Variants in XRCC5 observed in about 807,000 individuals in gnomAD.
The protein encoded by XRCC5 is DNA repair protein Ku80.
XRCC5 carries 12 observed loss-of-function variants against 95.7 expected under a neutral mutation model. The ratio of observed to expected loss-of-function variants is 0.13; its 90% confidence interval spans 0.08 to 0.20. XRCC5 has a LOEUF of 0.20. Ranked by LOEUF, XRCC5 falls within the 10% of genes least tolerant of loss-of-function variation. The probability of loss-of-function intolerance (pLI) is 1.00; values close to 1 mark genes in which losing one functional copy is unlikely to be tolerated. For synonymous variants in XRCC5, 281 were observed against 290.3 expected, an observed-to-expected ratio of 0.97 and a Z score of 0.33; for missense variants, 595 against 873.9, an observed-to-expected ratio of 0.68 and a Z score of 4.02.
chr2:216,134,691 C>T lies in XRCC5; in HGVS notation c.1113+2304C>T, dbSNP rs558659794. 2.6e-5 allele frequency among the ~76,000 whole-genome samples: 4 copies of T among 151,534 alleles called. No individual in the cohort carries two copies. The East Asian group carries it at 5.8e-4, about 22-fold the overall frequency. On this transcript the variant is annotated intron_variant, in intron 10 of 20. Coordinates refer to ENST00000392132, the MANE Select transcript of XRCC5 (RefSeq NM_021141.4). ...TGATCCACCCCCCCCCCTCCTCGGC[C>T]TCCCAAAGTGTTGGGATTACAGTTG...
chr2:216,150,909 A>G (rs1047043818), intron 14 of XRCC5, among the ~76,000 whole-genome samples: 1 of 152,122 alleles, frequency 6.6e-6, no homozygotes, highest in African/African-American at 2.4e-5. Context: ...GAAAAATAAA[A>G]GAAAACGTAA....
At chr2:216,132,504 G>A in intron 10 of XRCC5, 117 bp downstream of exon 10, 1 of 1,025,040 alleles carries the variant, frequency 9.8e-7, no homozygotes, top group Non-Finnish European at 1.5e-6. Context: ...AATAGGAGTG[G>A]GGAAATCCAC....
At chr2:216,144,862 AC>A (rs1217010089) in intron 13 of XRCC5, among the ~76,000 whole-genome samples, 4 of 152,206 alleles carry the variant, frequency 2.6e-5, no homozygotes, top group African/African-American at 9.6e-5. Context: ...GAGAACTGCA[AC>A]ACGTGAGTGA....
At chr2:216,118,846 C>T (rs150459519) in intron 4 of XRCC5, among the ~76,000 whole-genome samples, 197 bp from the exon 5 acceptor site, 1 of 152,214 alleles carries the variant, frequency 6.6e-6, no homozygotes, top group South Asian at 2.1e-4. Context: ...ACATTTTGGC[C>T]AAGATGTTCA....
chr2:216,195,241 C>T (rs4674066), intron 19 of XRCC5, among the ~76,000 whole-genome samples: 110,040 of 152,000 alleles, frequency 0.72, 41,356 homozygotes, highest in East Asian at 0.95. Flanking sequence ...GCTGTTGAAC[C>T]CCATAGTGCG....
chr2:216,157,657 G>T (rs568750302), intron 14 of XRCC5, among the ~76,000 whole-genome samples: 7 of 152,288 alleles, frequency 4.6e-5, no homozygotes, highest in African/African-American at 1.7e-4. Context: ...TTTGTATATT[G>T]AGAGTTTAGA....
In XRCC5 at chr2:216,117,800, T is replaced by G; in HGVS notation, c.368+6T>G. On this transcript the variant is annotated splice_donor_region_variant and intron_variant, in intron 4 of 20. Transcript: ENST00000392132. ...GTGATTCAACATGAAACAATGTAAGTGTTCCAAGGAAGAGAGCTGGAAGAG... is the reference window on the plus strand; with the variant it reads ...GTGATTCAACATGAAACAATGTAAGGGTTCCAAGGAAGAGAGCTGGAAGAG... 6.2e-7 allele frequency: 1 copy of G among 1,614,062 alleles called. No individual in the cohort carries two copies. The highest frequency in any genetic ancestry group is 8.5e-7 in the Non-Finnish European group (1 of 1,179,912).
At chr2:216,129,680 T>C (rs1301600740) in intron 8 of XRCC5, among the ~76,000 whole-genome samples, 1 of 152,186 alleles carries the variant, frequency 6.6e-6, no homozygotes, top group African/African-American at 2.4e-5. Flanking sequence ...AATAAAAATG[T>C]GTTTCTATTT....
Position 216,190,287 on chromosome 2 carries a change from A to T in XRCC5, c.1897A>T (p.Met633Leu), listed in dbSNP as rs372014947. Residue 633 changes from methionine (M) to leucine (L), a missense_variant, in exon 17 of 21, where the codon ATG (methionine) becomes TTG (leucine). Physicochemically the swap from Met to Leu is conservative, Grantham distance 15 (BLOSUM62 2). This residue lies in a region of XRCC5 where 309 missense variants were observed against 382.9 expected (regional missense o/e 0.81). Transcript: ENST00000392132. ...GGATACTAATGAAACACCGTATTTT[A>T]TGAAGAGCATAGACTGCATCCGAGC... ...FLDTNETPYF[M>L]KSIDCIRAFR... The T allele has an allele frequency of 1.9e-6, 3 of 1,614,080 alleles. No homozygotes were observed. The South Asian group carries it at 3.3e-5, about 18-fold the overall frequency.
intron 14 of XRCC5, among the ~76,000 whole-genome samples, chr2:216,155,424 T>A (rs1446833805): frequency 1.3e-5 from 2 of 151,992 alleles, no homozygotes; most frequent in African/African-American, 4.8e-5. Flanking sequence ...CAATTAGTAA[T>A]CAGAAATGTA....
chr2:216,134,313 CAAG>C (rs1011177885), intron 10 of XRCC5, among the ~76,000 whole-genome samples: 19 of 151,584 alleles, frequency 1.3e-4, no homozygotes, highest in African/African-American at 2.4e-4. Flanking sequence ...GTGTAGAAAA[CAAG>C]GAGGGAAAAG....
At chr2:216,189,848 C>A (rs1689581484) in intron 16 of XRCC5, among the ~76,000 whole-genome samples, 1 of 152,072 alleles carries the variant, frequency 6.6e-6, no homozygotes, top group African/African-American at 2.4e-5. Flanking sequence ...TCTGTGAATA[C>A]AATAGGAAAG....
At chr2:216,120,170 C>G (rs1696779492) in intron 5 of XRCC5, among the ~76,000 whole-genome samples, 1 of 152,196 alleles carries the variant, frequency 6.6e-6, no homozygotes, top group East Asian at 1.9e-4. Flanking sequence ...GATGGTACTT[C>G]AGAGAAATTA....
chr2:216,133,456 G>T (rs893864059), intron 10 of XRCC5, among the ~76,000 whole-genome samples: 1 of 152,184 alleles, frequency 6.6e-6, no homozygotes, highest in Non-Finnish European at 1.5e-5. Context: ...GACTATAGGT[G>T]TGCGCCACCA....
At chr2:216,141,459 A>T in intron 13 of XRCC5, 140 bp downstream of exon 13, 1 of 670,606 alleles carries the variant, frequency 1.5e-6, no homozygotes, top group Non-Finnish European at 2.3e-6. Context: ...GAAGAATAAC[A>T]TCTTCCTCTC....
intron 10 of XRCC5, among the ~76,000 whole-genome samples, chr2:216,133,369 A>G (rs1380178892): frequency 6.6e-6 from 1 of 152,202 alleles, no homozygotes; most frequent in Non-Finnish European, 1.5e-5. Flanking sequence ...AAGAGACAAG[A>G]TCTCATATGT....
chr2:216,177,820 G>T (rs1287417696), intron 16 of XRCC5, among the ~76,000 whole-genome samples: 1 of 152,050 alleles, frequency 6.6e-6, no homozygotes, highest in East Asian at 1.9e-4. Context: ...AACTAAGGTT[G>T]GATTATCCCA....
At chr2:216,136,617 A>G (rs41296374) in intron 10 of XRCC5, among the ~76,000 whole-genome samples, 10 of 152,268 alleles carry the variant, frequency 6.6e-5, no homozygotes, top group East Asian at 3.9e-4. Context: ...AGGAGTTGGC[A>G]ATTAGAAGGT....
intron 16 of XRCC5, among the ~76,000 whole-genome samples, chr2:216,177,984 G>A (rs1217201284): frequency 6.6e-6 from 1 of 152,158 alleles, no homozygotes; most frequent in Non-Finnish European, 1.5e-5. Context: ...ATTTCCTGAG[G>A]GCAGTAGATG....
Sources: gnomAD v4.1 joint callset for allele counts (sites outside exome capture counted in the v4.1 genomes callset) on GRCh38, gnomAD v4.1.1 for gene constraint, gnomAD v4.1.1 regional missense constraint, MANE v1.5 for transcripts, NCBI Gene and HGNC (gene_info 2026-07-23, HGNC 2026-07-21) for gene names.